PRKN: variants seen among roughly 807,000 people sequenced by gnomAD.
PRKN encodes the protein parkin RBR E3 ubiquitin protein ligase.
In PRKN, 56 loss-of-function variants were observed where a neutral mutation model predicts 59.5. The ratio of observed to expected loss-of-function variants is 0.94; its 90% confidence interval spans 0.76 to 1.18. The LOEUF (loss-of-function observed/expected upper bound fraction) is 1.18, where lower values mean the gene tolerates loss of function less well. PRKN is among the 50% of genes most tolerant of loss of function. The pLI is 0.00. For missense variants in PRKN, 657 were observed against 596.4 expected (o/e 1.10, Z -1.06); for synonymous variants, 250 against 222.1 (o/e 1.13, Z -1.12).
At chr6:162,498,439 C>CT (rs34333763) in intron 1 of PRKN, among the ~76,000 whole-genome samples, 865 of 12,432 alleles carry the variant, frequency 0.07, 120 homozygotes, top group Middle Eastern at 0.12. Context: ...TTTCCTTTTT[C>CT]TTTTTTTTTT....
At chr6:162,376,747 G>A (rs1163990239) in intron 2 of PRKN, among the ~76,000 whole-genome samples, 1 of 129,290 alleles carries the variant, frequency 7.7e-6, no homozygotes, top group Non-Finnish European at 1.7e-5. Flanking sequence ...GTGGGAGAGG[G>A]AGACGGAGAG....
chr6:161,889,100 G>T, intron 6 of PRKN, among the ~76,000 whole-genome samples: 1 of 152,130 alleles, frequency 6.6e-6, no homozygotes, highest in Non-Finnish European at 1.5e-5. Context: ...AAAATTAAAA[G>T]AAATAAGAGA....
intron 4 of PRKN, among the ~76,000 whole-genome samples, chr6:162,154,794 C>G (rs1289826139): frequency 6.6e-6 from 1 of 151,948 alleles, no homozygotes; most frequent in African/African-American, 2.4e-5. Flanking sequence ...CTCATGTACT[C>G]TTTCTTAATA....
In PRKN at chr6:162,215,993, G is replaced by A. The variant is rs7747566; in HGVS notation, c.413-14741C>T. ...GGACCCGGGAGGCAGAGGTAGCAGT[G>A]AGCAAGATCGCACCACTGCACTCCA... On this transcript the variant is annotated intron_variant, in intron 3 of 11. Coordinates refer to ENST00000366898, the MANE Select transcript of PRKN (RefSeq NM_004562.3). Among the ~76,000 whole-genome samples the A allele has an allele frequency of 4.7e-3, 717 of 152,150 alleles. 8 individuals are homozygous for A. The highest frequency in any genetic ancestry group is 0.017 in the African/African-American group (695 of 41,508).
chr6:161,374,179 G>T (rs1480811340), intron 10 of PRKN, among the ~76,000 whole-genome samples: 2 of 152,064 alleles, frequency 1.3e-5, no homozygotes, highest in Admixed American at 6.5e-5. Flanking sequence ...GTATGTGAGT[G>T]GCGAGTGTGT....
intron 1 of PRKN, among the ~76,000 whole-genome samples, chr6:162,628,084 A>G (rs769917791): frequency 6.6e-6 from 1 of 152,126 alleles, no homozygotes; most frequent in Non-Finnish European, 1.5e-5. Context: ...GCAATAAGGA[A>G]GTCATTGGAG....
intron 6 of PRKN, among the ~76,000 whole-genome samples, chr6:161,845,497 G>A (rs536736976): frequency 5.9e-5 from 9 of 152,174 alleles, no homozygotes; most frequent in Admixed American, 2.0e-4. Context: ...ATGTCCTCAC[G>A]TGCCACAAGA....
At chr6:162,188,022 T>C (rs1400409231) in intron 4 of PRKN, among the ~76,000 whole-genome samples, 5 of 152,236 alleles carry the variant, frequency 3.3e-5, no homozygotes, top group Admixed American at 1.3e-4. Flanking sequence ...GTTCTCATGA[T>C]AGTGAATGAG....
chr6:162,297,018 G>C (rs1176949623), intron 2 of PRKN, among the ~76,000 whole-genome samples: 1 of 151,978 alleles, frequency 6.6e-6, no homozygotes, highest in African/African-American at 2.4e-5. Flanking sequence ...TGGCAAAGGG[G>C]GCCAAGAGTT....
chr6:161,719,043 C>T (rs957875548), intron 7 of PRKN, among the ~76,000 whole-genome samples: 1 of 152,258 alleles, frequency 6.6e-6, no homozygotes, highest in African/African-American at 2.4e-5. Context: ...TATTTGCTCG[C>T]TGTTTAATTA....
chr6:162,535,729 G>T (rs989518496), intron 1 of PRKN, among the ~76,000 whole-genome samples: 9 of 151,898 alleles, frequency 5.9e-5, no homozygotes, highest in African/African-American at 2.2e-4. Context: ...GCAACATGGA[G>T]AAACTCCCTT....
intron 7 of PRKN, among the ~76,000 whole-genome samples, chr6:161,614,182 G>C (rs921939076): frequency 6.6e-6 from 1 of 152,084 alleles, no homozygotes; most frequent in Non-Finnish European, 1.5e-5. Flanking sequence ...GGTCTCCAGG[G>C]GTGAGTTTGG....
intron 4 of PRKN, among the ~76,000 whole-genome samples, chr6:162,109,430 TTATACAA>T (rs1780328653): frequency 6.6e-6 from 1 of 152,150 alleles, no homozygotes; most frequent in South Asian, 2.1e-4. Flanking sequence ...ATTCAGGACT[TTATACAA>T]GTAATAATGA....
At chr6:162,149,369 C>T (rs543123607) in intron 4 of PRKN, among the ~76,000 whole-genome samples, 4 of 152,018 alleles carry the variant, frequency 2.6e-5, no homozygotes, top group African/African-American at 7.2e-5. Context: ...CTCGCCCTCC[C>T]TAGTAGCTGG....
chr6:162,260,551 T>C (rs997436899), intron 3 of PRKN, among the ~76,000 whole-genome samples: 8 of 152,082 alleles, frequency 5.3e-5, no homozygotes, highest in Non-Finnish European at 7.4e-5. Flanking sequence ...AGAGAGTCAG[T>C]TGAAAGTGTC....
chr6:161,934,040 C>T (rs566641459), intron 6 of PRKN, among the ~76,000 whole-genome samples: 113 of 152,240 alleles, frequency 7.4e-4, no homozygotes, highest in African/African-American at 2.6e-3. Context: ...AATTGTAATC[C>T]CTGTAATCCC....
chr6:161,649,782 C>T (rs752307220), intron 7 of PRKN, among the ~76,000 whole-genome samples: 18 of 152,306 alleles, frequency 1.2e-4, no homozygotes, highest in Admixed American at 3.3e-4. Flanking sequence ...GTTGACACTC[C>T]GCCACTGAGT....
intron 4 of PRKN, among the ~76,000 whole-genome samples, chr6:162,055,217 AG>A (rs576710513): frequency 5.0e-4 from 76 of 152,152 alleles, no homozygotes; most frequent in Non-Finnish European, 9.6e-4. Context: ...GATAGGGGAG[AG>A]GGCACAGGGG....
At chr6:161,496,298 A>T (rs778015254) in intron 9 of PRKN, among the ~76,000 whole-genome samples, 2 of 152,234 alleles carry the variant, frequency 1.3e-5, no homozygotes, top group African/African-American at 2.4e-5. Flanking sequence ...CCTAACACCC[A>T]GTACCTTGGA....
Sources: allele counts gnomAD v4.1 joint callset (sites outside exome capture counted in the v4.1 genomes callset), GRCh38; gene constraint gnomAD v4.1.1; transcripts MANE v1.5; gene names NCBI Gene and HGNC (gene_info 2026-07-23, HGNC 2026-07-21).